The following MYO16 variants were observed in gnomAD, a reference collection of about 807,000 sequenced individuals.
MYO16 encodes the protein unconventional myosin-XVI.
Under a neutral mutation model 205.3 loss-of-function variants are expected in MYO16, and 94 were observed. The ratio of observed to expected loss-of-function variants is 0.46; its 90% CI spans 0.39 to 0.54. The LOEUF is 0.54. Among genes scored for constraint, MYO16 ranks in the 20% least tolerant of loss-of-function variants. The pLI is 0.00. For missense variants in MYO16, 2,315 were observed against 2,387.5 expected (o/e 0.97, Z 0.63); for synonymous variants, 988 against 954.0 (o/e 1.04, Z -0.66).
chr13:108,516,342 G>A, the MYO16 span, among the ~76,000 whole-genome samples: 3 of 151,852 alleles, frequency 2.0e-5, no homozygotes, highest in Admixed American at 6.5e-5. Flanking sequence ...GCTCGCGCAC[G>A]GTGCGCGCAC....
At chr13:108,788,806 G>A (rs547732826) in intron 5 of MYO16, among the ~76,000 whole-genome samples, 1 of 151,958 alleles carries the variant, frequency 6.6e-6, no homozygotes, top group Non-Finnish European at 1.5e-5. Context: ...TTTGACATTC[G>A]ATGACCTTTG....
At chr13:108,902,116 A>G (rs1880741301) in intron 15 of MYO16, among the ~76,000 whole-genome samples, 1 of 152,196 alleles carries the variant, frequency 6.6e-6, no homozygotes, top group South Asian at 2.1e-4. Flanking sequence ...GGTGTTGAGT[A>G]CAAAGGTATA....
chr13:108,778,606 G>A (rs368907928), intron 4 of MYO16, among the ~76,000 whole-genome samples: 9 of 146,142 alleles, frequency 6.2e-5, no homozygotes, highest in South Asian at 4.6e-4. Flanking sequence ...GTGACAGGGC[G>A]AGACTCCATC....
At chr13:108,720,279 G>A (rs77977188) in intron 3 of MYO16, among the ~76,000 whole-genome samples, 5,761 of 152,252 alleles carry the variant, frequency 0.038, 145 homozygotes, top group Non-Finnish European at 0.058. Context: ...AGGCTGAAAG[G>A]GCCGGTCTGC....
chr13:109,159,911 A>T (rs1194256190), intron 32 of MYO16, among the ~76,000 whole-genome samples: 1 of 152,230 alleles, frequency 6.6e-6, no homozygotes, highest in Non-Finnish European at 1.5e-5. Flanking sequence ...AGCCTCAGGA[A>T]GCCTTTGGAT....
intron 4 of MYO16, among the ~76,000 whole-genome samples, chr13:108,735,995 T>G (rs890646053): frequency 6.3e-4 from 6 of 9,456 alleles, no homozygotes; most frequent in Admixed American, 1.8e-3. Flanking sequence ...GGGTTGTTTG[T>G]TTTTTTTCTT....
chr13:108,741,776 A>G (rs1884917132), intron 4 of MYO16, among the ~76,000 whole-genome samples: 1 of 152,224 alleles, frequency 6.6e-6, no homozygotes, highest in Admixed American at 6.5e-5. Flanking sequence ...TAAGTATGAA[A>G]TAGAAGTCAT....
chr13:108,519,645 A>ACC, the MYO16 span, among the ~76,000 whole-genome samples: 11 of 148,836 alleles, frequency 7.4e-5, no homozygotes, highest in Non-Finnish European at 1.2e-4. Flanking sequence ...ACACACACAC[A>ACC]CACCCACACA....
At chr13:109,201,618 A>G (rs1405944621) in intron 34 of MYO16, 2 of 152,052 alleles carry the variant, frequency 1.3e-5, no homozygotes, top group Admixed American at 6.6e-5. Context: ...TTTTATTTCC[A>G]TAGGTTTTTG....
the MYO16 span, among the ~76,000 whole-genome samples, chr13:108,516,590 CG>C: frequency 6.6e-6 from 1 of 152,142 alleles, no homozygotes; most frequent in East Asian, 1.9e-4. Flanking sequence ...TACAGGCACA[CG>C]TAACAAATTA....
chr13:109,197,245 C>G (rs1031560928), intron 34 of MYO16, among the ~76,000 whole-genome samples: 1 of 152,182 alleles, frequency 6.6e-6, no homozygotes, highest in Non-Finnish European at 1.5e-5. Context: ...GTTCCCAGAG[C>G]TTTCTAGTGT....
chr13:108,644,714 C>T (rs1880675674), intron 1 of MYO16, among the ~76,000 whole-genome samples: 1 of 151,912 alleles, frequency 6.6e-6, no homozygotes, highest in African/African-American at 2.4e-5. Context: ...GCATAAATGA[C>T]ATTTCAAAAG....
chr13:108,823,797 A>G (rs382354), intron 9 of MYO16, among the ~76,000 whole-genome samples: 4,335 of 152,234 alleles, frequency 0.028, 194 homozygotes, highest in African/African-American at 0.096. Context: ...ACTTACATTC[A>G]AATTCATGTT....
the MYO16 span, among the ~76,000 whole-genome samples, chr13:108,520,436 T>C: frequency 4.9e-4 from 74 of 152,332 alleles, no homozygotes; most frequent in South Asian, 1.0e-3. Flanking sequence ...ATCTGGTTTT[T>C]AGATATTAGA....
chr13:108,965,499 C>T (rs911985788), intron 20 of MYO16, among the ~76,000 whole-genome samples: 2 of 152,150 alleles, frequency 1.3e-5, no homozygotes, highest in Admixed American at 6.5e-5. Flanking sequence ...CTCTGCCTCC[C>T]GGGTTCAAGT....
intron 1 of MYO16, among the ~76,000 whole-genome samples, chr13:108,634,484 C>T (rs1880133841): frequency 6.6e-6 from 1 of 152,102 alleles, no homozygotes; most frequent in Admixed American, 6.6e-5. Flanking sequence ...GCAAAAGTCC[C>T]CCCTTGTTCT....
At chr13:109,009,134 T>C (rs1885507555) in intron 22 of MYO16, 85 bp downstream of exon 22, 2 of 1,080,692 alleles carry the variant, frequency 1.9e-6, no homozygotes, top group African/African-American at 3.2e-5. Context: ...CAGGACGCCT[T>C]ATTTTTGAGA....
At chr13:108,734,282 A>C (rs956564738) in intron 4 of MYO16, among the ~76,000 whole-genome samples, 4 of 152,136 alleles carry the variant, frequency 2.6e-5, no homozygotes, top group African/African-American at 9.7e-5. Flanking sequence ...AGACAAAAGC[A>C]TTGCCCTGTT....
chr13:108,560,516 A>G, the MYO16 span, among the ~76,000 whole-genome samples: 3 of 152,338 alleles, frequency 2.0e-5, no homozygotes, highest in African/African-American at 7.2e-5. Flanking sequence ...TAAGTGTACT[A>G]TGCTAATTTT....
Sources: gnomAD v4.1 joint callset for allele counts (sites outside exome capture counted in the v4.1 genomes callset) on GRCh38, gnomAD v4.1.1 for gene constraint, MANE v1.5 for transcripts, NCBI Gene and HGNC (gene_info 2026-07-23, HGNC 2026-07-21) for gene names.